Variants in P2RX2 observed in about 807,000 individuals in gnomAD.
P2RX2 encodes the protein P2X purinoceptor 2.
A neutral mutation model predicts 54.8 loss-of-function variants in P2RX2; 50 were observed. The observed-to-expected ratio is 0.91, with a 90% confidence interval of 0.73 to 1.15. P2RX2 has a LOEUF of 1.15. Among genes scored for constraint, P2RX2 ranks in the 50% most tolerant of loss-of-function variants. P2RX2 has a pLI of 0.00. For missense variants in P2RX2, 658 were observed against 633.2 expected (o/e 1.04, Z -0.42); for synonymous variants, 289 against 259.4 (o/e 1.11, Z -1.09).
Position 132,618,788 on chromosome 12 carries a change from C to A in P2RX2, c.-29C>A. On this transcript the variant is annotated 5_prime_UTR_variant, in exon 1 of 11. Coordinates refer to ENST00000643471, the MANE Select transcript of P2RX2 (RefSeq NM_170682.4). Reference sequence around the variant, plus strand: ...GGGGCCGACCCTCAGCCCTGCAGCGCCTTCCTGGAGGTGGGGGCCGCCCGC... The same window carrying A: ...GGGGCCGACCCTCAGCCCTGCAGCGACTTCCTGGAGGTGGGGGCCGCCCGC... The A allele has an allele frequency of 2.5e-6, 3 of 1,210,176 alleles. No individual in the cohort carries two copies. Among genetic ancestry groups the A allele is most frequent in the Non-Finnish European group, 3.1e-6 (3 of 968,118 alleles). The allele number at this position is 1,210,176 out of a possible 1,614,324, so 75.0% of individuals were successfully genotyped here. A position where few individuals can be genotyped will look rare whatever the true frequency, so the allele number is the denominator to read the frequency against.
intron 1 of P2RX2, 89 bp from the exon 2 acceptor site, chr12:132,619,350 C>A: frequency 1.4e-6 from 2 of 1,462,244 alleles, no homozygotes; most frequent in Non-Finnish European, 1.9e-6. Context: ...AGAGCGGACC[C>A]GGGTCGCGGG....
rs1431818867 is a variant in P2RX2, at chr12:132,619,571, CG to C, written c.307del (p.Glu103ArgfsTer27). 3 of 1,610,274 alleles carry C rather than the reference CG, an allele frequency of 1.9e-6. No homozygotes were observed. The highest frequency in any genetic ancestry group is 1.7e-5 in the Admixed American group (1 of 59,896). On this transcript the variant is annotated frameshift_variant and splice_region_variant, in exon 2 of 11. Transcript: ENST00000643471. LOFTEE classifies it high-confidence loss of function. ...ACGTGGAGGAGTACGTGAAGCCCCC[CG>C]AGGTGCGGGCCGCCCCCTGCCCCCC... ...WDVEEYVKPP[E>X]GGSVFSIITR... is the part of the protein sequence containing the mutation.
Position 132,620,356 on chromosome 12 carries a change from C to T in P2RX2, c.635+9C>T, listed in dbSNP as rs774395002. 5.0e-6 allele frequency: 8 copies of T among 1,613,666 alleles called. No individual in the cohort carries two copies. The highest frequency in any genetic ancestry group is 4.0e-5 in the African/African-American group (3 of 74,924). On this transcript the variant is annotated intron_variant, in intron 6 of 10. Coordinates refer to ENST00000643471, the MANE Select transcript of P2RX2 (RefSeq NM_170682.4). ...AAATTCCACTTCTCCAAGTAAGAGCCGCGGGGTGTGGTGACGGCCCAGCCT... is the reference window on the plus strand; with the variant it reads ...AAATTCCACTTCTCCAAGTAAGAGCTGCGGGGTGTGGTGACGGCCCAGCCT...
At position 132,621,151 on chromosome 12, in the gene P2RX2, G is replaced by C. The variant is rs753341285; in HGVS notation, c.905+20G>C. ...CTTCAGGTGCTGTACTTGGGACACC[G>C]CTGTCCACACTGGCATAGCTGTGGT... On this transcript the variant is annotated intron_variant, in intron 8 of 10. Transcript: ENST00000643471. The C allele has an allele frequency of 6.2e-6, 10 of 1,613,896 alleles. No individual in the cohort carries two copies.
chr12:132,620,127 C>T (rs751163262), intron 5 of P2RX2, 31 bp downstream of exon 5: 16 of 1,538,460 alleles, frequency 1.0e-5, no homozygotes, highest in Non-Finnish European at 1.2e-5. Flanking sequence ...GGGGCCCAGC[C>T]TCCCCTCTGA....
Position 132,621,047 on chromosome 12 carries a change from T to C in P2RX2, c.821T>C (p.Leu274Pro), listed in dbSNP as rs1477199641. 3.1e-6 allele frequency: 5 copies of C among 1,614,080 alleles called. No homozygotes were observed. The highest frequency in any genetic ancestry group is 4.2e-6 in the Non-Finnish European group (5 of 1,180,028). ...VIINWDCDLD[L>P]PASECNPKYS... ...ATCAACTGGGACTGTGACCTGGACC[T>C]GCCTGCATCGGAGTGCAACCCCAAG... Residue 274 changes from leucine (L) to proline (P), a missense_variant, in exon 8 of 11, where the codon CTG becomes CCG. Coordinates refer to ENST00000643471, the MANE Select transcript of P2RX2 (RefSeq NM_170682.4).
rs2138381425 is a variant in P2RX2, at chr12:132,620,884, CT to C, written c.775-116del. ...ATGCAGCCTGGGACTGACCCGGGCT[CT>C]CGAGGGGCCTCTCGTGTGCCCTTGT... is the stretch of plus-strand genomic sequence containing the variant. On this transcript the variant is annotated intron_variant, in intron 7 of 10. Coordinates refer to ENST00000643471, the MANE Select transcript of P2RX2 (RefSeq NM_170682.4). 2.2e-5 allele frequency: 14 copies of C among 636,496 alleles called. 1 individual carries two copies. Among genetic ancestry groups the C allele is most frequent in the South Asian group, 1.2e-4 (3 of 25,610 alleles). 39.4% of individuals were successfully genotyped at this position (636,496 alleles called of 1,614,324 possible).
rs773343988 is a variant in P2RX2 at position 132,620,495 on chromosome 12, AC to A, written c.687del (p.His229GlnfsTer110). On this transcript the variant is annotated frameshift_variant, in exon 7 of 11. Transcript: ENST00000643471. LOFTEE classifies it high-confidence loss of function. Reference protein sequence around the residue: ...TDGYLKRCTFHEASDLYCPIF... With the variant: ...TDGYLKRCTFXEASDLYCPIF... ...GGGTACCTGAAGCGCTGCACGTTCC[AC>A]GAGGCCTCCGACCTCTACTGCCCCA... 9 of 1,613,916 alleles carry A rather than the reference AC, an allele frequency of 5.6e-6. No individual in the cohort carries two copies. The highest frequency in any genetic ancestry group is 6.8e-6 in the Non-Finnish European group (8 of 1,180,006).
Position 132,622,024 on chromosome 12 carries a change from T to A in P2RX2, c.*52T>A, listed in dbSNP as rs1271351904. 5.0e-6 allele frequency: 8 copies of A among 1,608,686 alleles called. No individual in the cohort carries two copies. The South Asian group carries it at 5.5e-5, about 11-fold the overall frequency. On this transcript the variant is annotated 3_prime_UTR_variant, in exon 11 of 11. Transcript: ENST00000643471. ...GACCCGGCCTGGTGGGGCCAGAGAG[T>A]CCCCAGCTAGGGACCTGCACGTGGA...
rs369365230 is a variant in P2RX2 at position 132,620,615 on chromosome 12, G to A, written c.774+32G>A. 6.9e-6 allele frequency: 11 copies of A among 1,603,072 alleles called. No individual in the cohort carries two copies. The African/African-American group carries it at 1.3e-4, about 19-fold the overall frequency. On this transcript the variant is annotated intron_variant, in intron 7 of 10. Transcript: ENST00000643471. Reference sequence around the variant, plus strand: ...CAAGCGCAGGCAGGGTGGGGCCAGGGTGGGCTCCCACCTGCACAGAGAGGG... The same window carrying A: ...CAAGCGCAGGCAGGGTGGGGCCAGGATGGGCTCCCACCTGCACAGAGAGGG...
At position 132,619,861 on chromosome 12, in the gene P2RX2, C is replaced by T. The variant is rs201946408; in HGVS notation, c.399C>T (p.Asn133=). The T allele has an allele frequency of 6.2e-6, 10 of 1,611,322 alleles. No homozygotes were observed. In the East Asian group the frequency reaches 1.3e-4, roughly 22 times the overall value. ...GTCPESIRVH[N]ATCLSDADCV... is the part of the protein sequence containing the mutation. ...CACCCTAGAGCATAAGGGTCCACAA[C>T]GCCACCTGCCTCTCCGACGCCGACT... is the stretch of plus-strand genomic sequence containing the variant. Residue 133 remains asparagine (N), a synonymous_variant, in exon 4 of 11, where the codon AAC becomes AAT. Coordinates refer to ENST00000643471, the MANE Select transcript of P2RX2 (RefSeq NM_170682.4).
chr12:132,618,972 C>T lies in P2RX2; in HGVS notation c.156C>T (p.Ile52=). 1 of 1,277,990 alleles carries T rather than the reference C, an allele frequency of 7.8e-7. No homozygotes were observed. Among genetic ancestry groups the T allele is most frequent in the Non-Finnish European group, 1.0e-6 (1 of 1,002,076 alleles). The allele number at this position is 1,277,990 out of a possible 1,614,324, so 79.2% of individuals were successfully genotyped here. A position where few individuals can be genotyped will look rare whatever the true frequency, so the allele number is the denominator to read the frequency against. The change falls in exon 1 of 11, where the codon ATC becomes ATT. Residue 52 remains isoleucine (I), a synonymous_variant. Transcript: ENST00000643471. ...GVLYRAVQLL[I]LLYFVWYVFI... ...TGTACCGCGCCGTGCAGCTGCTCAT[C>T]CTGCTCTACTTCGTGTGGTGCGCGG...
At position 132,620,434 on chromosome 12, in the gene P2RX2, C is replaced by T. The variant is rs777427474; in HGVS notation, c.636-11C>T. 1.1e-5 allele frequency: 17 copies of T among 1,613,926 alleles called. No homozygotes were observed. Among genetic ancestry groups the T allele is most frequent in the Non-Finnish European group, 1.4e-5 (17 of 1,179,992 alleles). On this transcript the variant is annotated splice_polypyrimidine_tract_variant and intron_variant, in intron 6 of 10. Coordinates refer to ENST00000643471, the MANE Select transcript of P2RX2 (RefSeq NM_170682.4). ...TTGGGGTGCAGGTCTCGCCTCCTGC[C>T]GCCTCCTCAGGGGCAACATCGCCGA...
Position 132,619,825 on chromosome 12 carries a change from T to G in P2RX2, c.382-19T>G. The G allele has an allele frequency of 6.2e-7, 1 of 1,610,644 alleles. No homozygotes were observed. The highest frequency in any genetic ancestry group is 8.5e-7 in the Non-Finnish European group (1 of 1,179,236). ...AGCTGTCCCTTGCGGGGTCCCTGAC[T>G]GGGCCGCCTCCACCCTAGAGCATAA... On this transcript the variant is annotated intron_variant, in intron 3 of 10. Transcript: ENST00000643471.
Position 132,620,894 on chromosome 12 carries a change from CT to C in P2RX2, c.775-106del, listed in dbSNP as rs2138381929. ...GGACTGACCCGGGCTCTCGAGGGGCCTCTCGTGTGCCCTTGTGACCCCCTTC... is the reference window on the plus strand; with the variant it reads ...GGACTGACCCGGGCTCTCGAGGGGCCCTCGTGTGCCCTTGTGACCCCCTTC... On this transcript the variant is annotated intron_variant, in intron 7 of 10. Coordinates refer to ENST00000643471, the MANE Select transcript of P2RX2 (RefSeq NM_170682.4). 59 of 661,484 alleles carry C rather than the reference CT, an allele frequency of 8.9e-5. 9 individuals are homozygous for C. Among genetic ancestry groups the C allele is most frequent in the South Asian group, 3.7e-4 (12 of 32,382 alleles). 41.0% of individuals were successfully genotyped at this position (661,484 alleles called of 1,614,324 possible).
Position 132,619,577 on chromosome 12 carries a change from G to A in P2RX2, c.309+3G>A. 1.9e-6 allele frequency: 3 copies of A among 1,609,248 alleles called. No individual in the cohort carries two copies. The highest frequency in any genetic ancestry group is 2.5e-6 in the Non-Finnish European group (3 of 1,177,652). Reference sequence around the variant, plus strand: ...AGGAGTACGTGAAGCCCCCCGAGGTGCGGGCCGCCCCCTGCCCCCCGCCCC... The same window carrying A: ...AGGAGTACGTGAAGCCCCCCGAGGTACGGGCCGCCCCCTGCCCCCCGCCCC... On this transcript the variant is annotated splice_donor_region_variant and intron_variant, in intron 2 of 10. Coordinates refer to ENST00000643471, the MANE Select transcript of P2RX2 (RefSeq NM_170682.4).
intron 1 of P2RX2, 186 bp from the exon 2 acceptor site, chr12:132,619,253 G>T (rs1396693310): frequency 4.8e-6 from 2 of 420,230 alleles, no homozygotes; most frequent in Admixed American, 5.0e-5. Flanking sequence ...CCAGGGGCGC[G>T]GGGCAGGGGC....
chr12:132,622,155 C>T lies in P2RX2; in HGVS notation c.*183C>T. 6.9e-7 allele frequency: 1 copy of T among 1,441,922 alleles called. No individual in the cohort carries two copies. Among genetic ancestry groups the T allele is most frequent in the South Asian group, 1.5e-5 (1 of 68,484 alleles). The allele number at this position is 1,441,922 out of a possible 1,614,324, so 89.3% of individuals were successfully genotyped here. On this transcript the variant is annotated 3_prime_UTR_variant, in exon 11 of 11. Coordinates refer to ENST00000643471, the MANE Select transcript of P2RX2 (RefSeq NM_170682.4). The stretch of plus-strand genomic sequence containing the variant: ...GCCCCAGGCTTGTGCCCCACCCTGG[C>T]ATACAGCCCCTGACACCTCCTCCCC...
chr12:132,621,359 C>T lies in P2RX2; in HGVS notation c.996+14C>T. 1 of 1,613,806 alleles carries T rather than the reference C, an allele frequency of 6.2e-7. No individual in the cohort carries two copies. Reference sequence around the variant, plus strand: ...GTGCATGGACAGGTGCCTGCACCTGCTGGGGGTGGGTGGCCAGCCCTGCTA... The same window carrying T: ...GTGCATGGACAGGTGCCTGCACCTGTTGGGGGTGGGTGGCCAGCCCTGCTA... On this transcript the variant is annotated intron_variant, in intron 9 of 10. Coordinates refer to ENST00000643471, the MANE Select transcript of P2RX2 (RefSeq NM_170682.4).
Sources: gnomAD v4.1 joint callset for allele counts on GRCh38, gnomAD v4.1.1 for gene constraint, MANE v1.5 for transcripts, NCBI Gene and HGNC (gene_info 2026-07-23, HGNC 2026-07-21) for gene names.